NCKAP5: variants seen among roughly 807,000 people sequenced by gnomAD.
NCKAP5 encodes the protein nck-associated protein 5.
A neutral mutation model predicts 167.0 loss-of-function variants in NCKAP5; 92 were observed. The ratio of observed to expected loss-of-function variants is 0.55; its 90% confidence interval spans 0.47 to 0.66. NCKAP5 has a LOEUF of 0.66. Ranked by LOEUF, NCKAP5 falls within the 30% of genes least tolerant of loss-of-function variation. The pLI is 0.00. For missense variants in NCKAP5, 2,378 were observed against 2,315.0 expected (o/e 1.03, Z -0.56); for synonymous variants, 891 against 877.4 (o/e 1.02, Z -0.27).
chr2:133,468,909 A>C (rs920138181), intron 3 of NCKAP5, among the ~76,000 whole-genome samples: 13 of 152,216 alleles, frequency 8.5e-5, no homozygotes, highest in South Asian at 2.1e-4. Context: ...TGTGTCTCTG[A>C]ACGTAAGATG....
chr2:133,669,409 C>T, the NCKAP5 span, among the ~76,000 whole-genome samples: 1 of 151,878 alleles, frequency 6.6e-6, no homozygotes, highest in African/African-American at 2.4e-5. Flanking sequence ...ACTTCTTTTC[C>T]CCCCTATCAT....
intron 3 of NCKAP5, among the ~76,000 whole-genome samples, chr2:133,343,957 G>A (rs1260991788): frequency 6.6e-6 from 1 of 152,186 alleles, no homozygotes; most frequent in Non-Finnish European, 1.5e-5. Flanking sequence ...CTCTGGAGCA[G>A]TATGAGCCAG....
At chr2:132,728,132 C>T (rs1487841235) in intron 18 of NCKAP5, among the ~76,000 whole-genome samples, 1 of 152,128 alleles carries the variant, frequency 6.6e-6, no homozygotes, top group Non-Finnish European at 1.5e-5. Flanking sequence ...CAGTGGGCCA[C>T]CCCAGGACGA....
chr2:132,785,561 G>T lies in NCKAP5; in HGVS notation c.1250C>A (p.Pro417His). ...ACCCCATTTGGTTATCACTGATGGG[G>T]GTTCAAGTAACACTTTTCGCTTCTG... ...KLQKRKVLLE[P>H]PSVITKWGYK... is the part of the protein sequence containing the mutation. The change falls in exon 14 of 20, where the codon CCC (proline) becomes CAC (histidine). Residue 417 changes from proline (P) to histidine (H), a missense_variant. Pro to His is a moderately conservative substitution (Grantham distance 77). Around this residue, in one of 3 missense-constraint regions of NCKAP5, gnomAD observed 1,049 missense variants for 1,023.4 expected, o/e 1.02. Coordinates refer to ENST00000409261, the MANE Select transcript of NCKAP5 (RefSeq NM_207363.3). 6.3e-7 allele frequency: 1 copy of T among 1,599,534 alleles called. No homozygotes were observed. The highest frequency in any genetic ancestry group is 8.5e-7 in the Non-Finnish European group (1 of 1,173,352).
chr2:133,139,649 T>C (rs2082924786), intron 5 of NCKAP5, among the ~76,000 whole-genome samples: 1 of 152,160 alleles, frequency 6.6e-6, no homozygotes, highest in East Asian at 1.9e-4. Context: ...TTAATCTAAA[T>C]CTAAAGGATG....
intron 8 of NCKAP5, among the ~76,000 whole-genome samples, chr2:132,892,021 A>G (rs777927957): frequency 6.6e-6 from 1 of 152,200 alleles, no homozygotes; most frequent in Non-Finnish European, 1.5e-5. Context: ...TTTGTAAAAC[A>G]GCTCCCATTT....
chr2:132,983,090 T>C lies in NCKAP5; in HGVS notation c.429+11062A>G, dbSNP rs1369283052. 2.0e-5 allele frequency among the ~76,000 whole-genome samples: 3 copies of C among 152,176 alleles called. No homozygotes were observed. The East Asian group carries it at 5.8e-4, about 29-fold the overall frequency. ...GGCCATTGTAAATGGAATTGCATTCTTGATTTGCCTCTCAGCTTGACTGTT... is the reference window on the plus strand; with the variant it reads ...GGCCATTGTAAATGGAATTGCATTCCTGATTTGCCTCTCAGCTTGACTGTT... On this transcript the variant is annotated intron_variant, in intron 7 of 19. Transcript: ENST00000409261.
At chr2:133,064,540 T>G (rs1176079348) in intron 6 of NCKAP5, among the ~76,000 whole-genome samples, 1 of 152,018 alleles carries the variant, frequency 6.6e-6, no homozygotes, top group East Asian at 1.9e-4. Flanking sequence ...TTTCTTGTAC[T>G]GCAGCAAAAG....
the NCKAP5 span, among the ~76,000 whole-genome samples, chr2:133,609,827 C>T: frequency 6.6e-6 from 1 of 152,104 alleles, no homozygotes; most frequent in African/African-American, 2.4e-5. Flanking sequence ...AATTATAGAG[C>T]TCAAACATTT....
chr2:132,776,653 T>C (rs1455820200), intron 15 of NCKAP5, among the ~76,000 whole-genome samples: 1 of 152,158 alleles, frequency 6.6e-6, no homozygotes, highest in African/African-American at 2.4e-5. Context: ...TTGTCAATTC[T>C]AATTATCCAT....
At chr2:132,927,756 C>G (rs925683796) in intron 8 of NCKAP5, among the ~76,000 whole-genome samples, 1 of 151,960 alleles carries the variant, frequency 6.6e-6, no homozygotes, top group Non-Finnish European at 1.5e-5. Context: ...TTTATTAAAT[C>G]TAAGAGTTTT....
At chr2:133,273,707 A>T (rs572019707) in intron 4 of NCKAP5, among the ~76,000 whole-genome samples, 1 of 152,144 alleles carries the variant, frequency 6.6e-6, no homozygotes, top group East Asian at 1.9e-4. Context: ...AACAGTAGTA[A>T]TAATAATGGT....
At chr2:133,039,218 AC>A (rs1351636032) in intron 6 of NCKAP5, among the ~76,000 whole-genome samples, 1 of 152,188 alleles carries the variant, frequency 6.6e-6, no homozygotes, top group Non-Finnish European at 1.5e-5. Context: ...GTGTTAGATC[AC>A]CTTGACTTCT....
rs1055998980 is a variant in NCKAP5, at chr2:133,066,821, A to T, written c.341+63157T>A. 3.9e-5 allele frequency among the ~76,000 whole-genome samples: 6 copies of T among 152,320 alleles called. No homozygotes were observed. In the South Asian group the frequency reaches 1.2e-3, roughly 32 times the overall value. On this transcript the variant is annotated intron_variant, in intron 6 of 19. Transcript: ENST00000409261. ...GTTAAAATCAAAGCTAACTTCTACCACAAGTGACCTCTCCTTGGTATGATG... is the reference window on the plus strand; with the variant it reads ...GTTAAAATCAAAGCTAACTTCTACCTCAAGTGACCTCTCCTTGGTATGATG...
chr2:133,264,154 C>G (rs1325955198), intron 4 of NCKAP5, among the ~76,000 whole-genome samples: 1 of 152,214 alleles, frequency 6.6e-6, no homozygotes, highest in Non-Finnish European at 1.5e-5. Context: ...CACTTATCTT[C>G]TCCAAGTTAC....
At chr2:133,420,387 C>T (rs978965636) in intron 3 of NCKAP5, among the ~76,000 whole-genome samples, 7 of 152,142 alleles carry the variant, frequency 4.6e-5, no homozygotes, top group East Asian at 3.8e-4. Context: ...TCCATTTATA[C>T]GAAATGTCCA....
chr2:133,158,839 C>G (rs2083676520), intron 5 of NCKAP5, among the ~76,000 whole-genome samples: 1 of 151,902 alleles, frequency 6.6e-6, no homozygotes, highest in Admixed American at 6.6e-5. Flanking sequence ...TTACAGAGAA[C>G]CTACTGCTCT....
intron 8 of NCKAP5, among the ~76,000 whole-genome samples, chr2:132,892,574 G>C (rs892118666): frequency 2.6e-5 from 4 of 152,194 alleles, no homozygotes; most frequent in African/African-American, 9.6e-5. Context: ...CTGTTGAGTA[G>C]AGAATATTTG....
At chr2:133,567,700 T>TGTGTGTGTGTGTG in intron 1 of NCKAP5, among the ~76,000 whole-genome samples, 1 of 137,272 alleles carries the variant, frequency 7.3e-6, no homozygotes, top group South Asian at 2.3e-4. Flanking sequence ...TGTGTGTGTG[T>TGTGTGTGTGTGTG]TTGGGGAGAG....
Sources: allele counts gnomAD v4.1 joint callset (sites outside exome capture counted in the v4.1 genomes callset), GRCh38; gene constraint gnomAD v4.1.1; regional missense constraint gnomAD v4.1.1; transcripts MANE v1.5; gene names NCBI Gene and HGNC (gene_info 2026-07-23, HGNC 2026-07-21).